VPS52: variants seen among roughly 807,000 people sequenced by gnomAD.
VPS52 encodes vacuolar protein sorting-associated protein 52 homolog.
A neutral mutation model predicts 98.7 loss-of-function variants in VPS52; 56 were observed. The observed-to-expected ratio is 0.57, with a 90% CI of 0.46 to 0.71. The LOEUF is 0.71. Ranked by LOEUF, VPS52 falls within the 30% of genes least tolerant of loss-of-function variation. The pLI, the probability that VPS52 is intolerant of heterozygous loss-of-function variation, is 0.00. For synonymous variants in VPS52, 348 were observed against 346.4 expected, an observed-to-expected ratio of 1.00 and a Z score of -0.05; for missense variants, 742 against 925.9, an observed-to-expected ratio of 0.80 and a Z score of 2.58.
At chr6:33,256,578 C>G (rs1763006314) in intron 17 of VPS52, among the ~76,000 whole-genome samples, 1 of 145,430 alleles carries the variant, frequency 6.9e-6, no homozygotes, top group Non-Finnish European at 1.5e-5. Context: ...CCAAATTAGT[C>G]TATAGACAAT....
intron 15 of VPS52, 61 bp from the exon 16 acceptor site, chr6:33,263,940 C>T: frequency 1.2e-6 from 2 of 1,613,706 alleles, no homozygotes; most frequent in Non-Finnish European, 1.7e-6. Flanking sequence ...CCCCATCTGG[C>T]TCCTCCTCAG....
chr6:33,257,322 A>T lies in VPS52; in HGVS notation c.1795-5351T>A, dbSNP rs188252977. On this transcript the variant is annotated intron_variant, in intron 17 of 19. Transcript: ENST00000445902. Reference sequence around the variant, plus strand: ...AGTGCTGGGATTACAGGCTTTAGCCACTGCACCTGGCCAAAATTCTACAAT... The same window carrying T: ...AGTGCTGGGATTACAGGCTTTAGCCTCTGCACCTGGCCAAAATTCTACAAT... Among the ~76,000 whole-genome samples the T allele has an allele frequency of 2.2e-4, 34 of 152,284 alleles. No individual in the cohort carries two copies. In the East Asian group the frequency reaches 6.0e-3, roughly 27 times the overall value.
intron 17 of VPS52, 100 bp downstream of exon 17, chr6:33,263,384 T>TACACACACACACACACACACAC (rs878982754): frequency 1.5e-4 from 84 of 573,562 alleles, no homozygotes; most frequent in Middle Eastern, 5.9e-4. Flanking sequence ...TGCCACTCCC[T>TACACACACACACACACACACAC]ACACACACAC....
rs1465908331 is a variant in VPS52 at position 33,268,200 on chromosome 6, C to T, written c.708G>A (p.Thr236=). 69 of 1,613,048 alleles carry T rather than the reference C, an allele frequency of 4.3e-5. No homozygotes were observed. Among genetic ancestry groups the T allele is most frequent in the Non-Finnish European group, 5.5e-5 (65 of 1,180,030 alleles). ...VLDRLRVKAV[T]KIREFILQKI... is the part of the protein sequence containing the mutation. ...TCTGGAGGATAAACTCTCGGATCTT[C>T]GTCACTGCCTAGATGTGGGGAACCA... The change falls in exon 8 of 20, where the codon ACG becomes ACA. Residue 236 remains threonine (T), a synonymous_variant. Transcript: ENST00000445902. This position sits in a 1 kb window ranked among gnomAD's most constrained non-coding sequence, Gnocchi z 4.0.
chr6:33,257,674 C>G (rs966507704), intron 17 of VPS52, among the ~76,000 whole-genome samples: 1 of 152,176 alleles, frequency 6.6e-6, no homozygotes, highest in African/African-American at 2.4e-5. Flanking sequence ...ACTGGGATTA[C>G]AGGCGTGAGC....
Position 33,268,197 on chromosome 6 carries a change from C to T in VPS52, c.711G>A (p.Lys237=), listed in dbSNP as rs1764574536. Residue 237 remains lysine, a synonymous_variant, in exon 8 of 20, where the codon AAG becomes AAA. Coordinates refer to ENST00000445902, the MANE Select transcript of VPS52 (RefSeq NM_022553.6). The surrounding 1 kb of genome is among the most constrained non-coding windows in gnomAD (Gnocchi z 4.0). ...LDRLRVKAVT[K]IREFILQKIY... ...TCTTCTGGAGGATAAACTCTCGGAT[C>T]TTCGTCACTGCCTAGATGTGGGGAA... is the stretch of plus-strand genomic sequence containing the variant. 6.2e-7 allele frequency: 1 copy of T among 1,613,074 alleles called. No individual in the cohort carries two copies. Among genetic ancestry groups the T allele is most frequent in the African/African-American group, 1.3e-5 (1 of 75,054 alleles).
chr6:33,270,553 A>C (rs1200122447), intron 1 of VPS52, among the ~76,000 whole-genome samples: 1 of 152,188 alleles, frequency 6.6e-6, no homozygotes, highest in Non-Finnish European at 1.5e-5. Flanking sequence ...AACTACTTAG[A>C]AGCTGAGACG....
In VPS52 at chr6:33,264,496, AC is replaced by A; in HGVS notation, c.1401del (p.Arg467SerfsTer16). ...AGCAAGGCAAGCACCTGTTCCCAGTACCTGTGGGCTTAATCAGAATCAGAGG... is the reference window on the plus strand; with the variant it reads ...AGCAAGGCAAGCACCTGTTCCCAGTACTGTGGGCTTAATCAGAATCAGAGG... ...AAKRDVPALD[R>X]YWEQVLALLW... On this transcript the variant is annotated frameshift_variant and splice_region_variant, in exon 14 of 20. Coordinates refer to ENST00000445902, the MANE Select transcript of VPS52 (RefSeq NM_022553.6). LOFTEE classifies it high-confidence loss of function. 4 of 1,614,014 alleles carry A rather than the reference AC, an allele frequency of 2.5e-6. No individual in the cohort carries two copies. Among genetic ancestry groups the A allele is most frequent in the Non-Finnish European group, 3.4e-6 (4 of 1,179,990 alleles).
chr6:33,271,256 T>C, intron 1 of VPS52: 2 of 607,352 alleles, frequency 3.3e-6, no homozygotes, highest in South Asian at 3.9e-5. Flanking sequence ...GCTGGTTAAC[T>C]TGCCCAAGGG....
intron 19 of VPS52, among the ~76,000 whole-genome samples, chr6:33,251,273 C>T (rs780245755): frequency 6.6e-6 from 1 of 151,420 alleles, no homozygotes; most frequent in Non-Finnish European, 1.5e-5. Flanking sequence ...ACCTGGGAGG[C>T]AGAGGTTGCA....
At chr6:33,264,244 G>A in intron 14 of VPS52, 130 bp downstream of exon 14, 11 of 1,554,436 alleles carry the variant, frequency 7.1e-6, no homozygotes, top group Non-Finnish European at 8.8e-6. Flanking sequence ...CTCACCATGA[G>A]TTTCACCACC....
chr6:33,267,190 T>G lies in VPS52; in HGVS notation c.1123A>C (p.Arg375=), dbSNP rs1764434091. 2 of 1,510,936 alleles carry G rather than the reference T, an allele frequency of 1.3e-6. No individual in the cohort carries two copies. The highest frequency in any genetic ancestry group is 1.4e-5 in the African/African-American group (1 of 71,312). 93.6% of individuals were successfully genotyped at this position (1,510,936 alleles called of 1,614,324 possible). ...CTGAAGCTTGTTCCTCCTCATACCC[T>G]CTGCTCTCCGCGCTGCGCTGTGTGA... is the stretch of plus-strand genomic sequence containing the variant. The part of the protein sequence containing the change: ...VPHTAQRGEQ[R]YPFEALFRSQ... The change falls in exon 11 of 20, where the codon AGG becomes CGG. Residue 375 remains arginine, a splice_region_variant and synonymous_variant. Coordinates refer to ENST00000445902, the MANE Select transcript of VPS52 (RefSeq NM_022553.6). This position sits in a 1 kb window ranked among gnomAD's most constrained non-coding sequence, Gnocchi z 4.2.
chr6:33,257,199 T>A (rs1247266503), intron 17 of VPS52, among the ~76,000 whole-genome samples: 2 of 151,968 alleles, frequency 1.3e-5, no homozygotes, highest in Non-Finnish European at 2.9e-5. Context: ...TTGGCTAATA[T>A]ATTTTTTTAA....
Position 33,268,990 on chromosome 6 carries a change from T to A in VPS52, c.548+24A>T, listed in dbSNP as rs749407437. The stretch of plus-strand genomic sequence containing the variant: ...GCCCATCCACCTGCTATGGACATTA[T>A]AACCCTTCAAACTGGTAACTCACGT... On this transcript the variant is annotated intron_variant, in intron 6 of 19. Coordinates refer to ENST00000445902, the MANE Select transcript of VPS52 (RefSeq NM_022553.6). This position sits in a 1 kb window ranked among gnomAD's most constrained non-coding sequence, Gnocchi z 4.0. 182 of 1,610,854 alleles carry A rather than the reference T, an allele frequency of 1.1e-4. No individual in the cohort carries two copies. The highest frequency in any genetic ancestry group is 1.5e-4 in the Non-Finnish European group (180 of 1,179,648).
In VPS52 at chr6:33,258,133, A is replaced by C. The variant is rs560677522; in HGVS notation, c.1794+5351T>G. Among the ~76,000 whole-genome samples the C allele has an allele frequency of 2.0e-5, 3 of 152,278 alleles. No individual in the cohort carries two copies. The South Asian group carries it at 6.2e-4, about 32-fold the overall frequency. On this transcript the variant is annotated intron_variant, in intron 17 of 19. Coordinates refer to ENST00000445902, the MANE Select transcript of VPS52 (RefSeq NM_022553.6). ...CTGGACGCGGTGGCTCATGCCTGTA[A>C]TCCCAGCATTTTGGGAGGCTGAGGC...
chr6:33,269,690 C>T (rs904066051), intron 4 of VPS52, 54 bp downstream of exon 4: 37 of 1,588,738 alleles, frequency 2.3e-5, no homozygotes, highest in South Asian at 1.9e-4. Context: ...CTGTACCACA[C>T]GCCACAAAAT....
chr6:33,270,326 CAG>C lies in VPS52; in HGVS notation c.91-45_91-44del, dbSNP rs762998199. On this transcript the variant is annotated intron_variant, in intron 1 of 19. Coordinates refer to ENST00000445902, the MANE Select transcript of VPS52 (RefSeq NM_022553.6). Reference sequence around the variant, plus strand: ...AATGGGAGTAGGGTACGGTGAAAGACAGAAAGAAAAAATATAATTGGATATCC... The same window carrying C: ...AATGGGAGTAGGGTACGGTGAAAGACAAAGAAAAAATATAATTGGATATCC... 53 of 1,549,782 alleles carry C rather than the reference CAG, an allele frequency of 3.4e-5. No homozygotes were observed. The South Asian group carries it at 5.3e-4, about 15-fold the overall frequency.
At chr6:33,251,770 C>T (rs764016292) in intron 18 of VPS52, 90 bp downstream of exon 18, 42 of 1,460,800 alleles carry the variant, frequency 2.9e-5, no homozygotes, top group Middle Eastern at 1.7e-4. Context: ...CTTTCATACT[C>T]TATTCCCCCA....
In VPS52 at chr6:33,263,372, T is replaced by G; in HGVS notation, c.1794+112A>C. The G allele has an allele frequency of 4.7e-6, 3 of 644,354 alleles. No homozygotes were observed. In the South Asian group the frequency reaches 1.0e-4, roughly 22 times the overall value. 39.9% of individuals were successfully genotyped at this position (644,354 alleles called of 1,614,324 possible). Reference sequence around the variant, plus strand: ...GTAATTCCGCATACCTGAGATCCATTATGCCACTCCCTACACACACACACA... The same window carrying G: ...GTAATTCCGCATACCTGAGATCCATGATGCCACTCCCTACACACACACACA... On this transcript the variant is annotated intron_variant, in intron 17 of 19. Coordinates refer to ENST00000445902, the MANE Select transcript of VPS52 (RefSeq NM_022553.6).
Sources: gnomAD v4.1 joint callset for allele counts (sites outside exome capture counted in the v4.1 genomes callset) on GRCh38, gnomAD v4.1.1 for gene constraint, Gnocchi (gnomAD v3.1) non-coding constraint, MANE v1.5 for transcripts, NCBI Gene and HGNC (gene_info 2026-07-23, HGNC 2026-07-21) for gene names.